The following ADGRB3 variants were observed in gnomAD, a reference collection of about 807,000 sequenced individuals.
ADGRB3 encodes the protein adhesion G protein-coupled receptor B3, also known as brain-specific angiogenesis inhibitor 3.
A neutral mutation model predicts 193.4 loss-of-function variants in ADGRB3; 37 were observed. The ratio of observed to expected loss-of-function variants is 0.19; its 90% CI spans 0.15 to 0.25. The LOEUF is 0.25. Ranked by LOEUF, ADGRB3 falls within the 10% of genes least tolerant of loss-of-function variation. The probability of loss-of-function intolerance (pLI) is 1.00; values close to 1 mark genes in which losing one functional copy is unlikely to be tolerated. For missense variants in ADGRB3, 1,637 were observed against 1,852.9 expected (o/e 0.88, Z 2.14); for synonymous variants, 690 against 644.2 (o/e 1.07, Z -1.08).
chr6:69,323,359 A>G (rs1165447837), intron 20 of ADGRB3, among the ~76,000 whole-genome samples: 1 of 151,992 alleles, frequency 6.6e-6, no homozygotes, highest in Non-Finnish European at 1.5e-5. Flanking sequence ...AAAATAAGCA[A>G]ACTAGTCAGC....
chr6:68,875,221 C>G (rs1322396801), intron 3 of ADGRB3, among the ~76,000 whole-genome samples: 2 of 65,938 alleles, frequency 3.0e-5, no homozygotes, highest in Admixed American at 1.6e-4. Context: ...TCTCCTTCCC[C>G]CTTCCTCTCC....
chr6:69,078,895 G>A (rs1772309580), intron 17 of ADGRB3, among the ~76,000 whole-genome samples: 1 of 151,958 alleles, frequency 6.6e-6, no homozygotes, highest in Non-Finnish European at 1.5e-5. Flanking sequence ...CTGCATATAA[G>A]ATACATTCGA....
In ADGRB3 at chr6:68,639,358, G is replaced by T. The variant is rs778933662; in HGVS notation, c.683G>T (p.Gly228Val). 6 of 1,613,872 alleles carry T rather than the reference G, an allele frequency of 3.7e-6. No homozygotes were observed. Among genetic ancestry groups the T allele is most frequent in the Non-Finnish European group, 4.2e-6 (5 of 1,180,034 alleles). Residue 228 changes from glycine (G) to valine (V), a missense_variant, in exon 3 of 32, where the codon GGC (glycine) becomes GTC (valine). Coordinates refer to ENST00000370598, the MANE Select transcript of ADGRB3 (RefSeq NM_001704.3). The part of the protein sequence containing the change: ...VVLPLNEQTE[G>V]CLTQELQTTQ... The stretch of plus-strand genomic sequence containing the variant: ...TTACCCCTGAATGAGCAGACAGAGG[G>T]CTGCCTGACCCAGGAGCTGCAAACC...
intron 20 of ADGRB3, among the ~76,000 whole-genome samples, chr6:69,261,376 AG>A (rs561899162): frequency 3.3e-5 from 5 of 152,258 alleles, no homozygotes; most frequent in African/African-American, 1.2e-4. Context: ...AAGTTTATAT[AG>A]AATGAAGAAC....
intron 17 of ADGRB3, among the ~76,000 whole-genome samples, chr6:69,141,244 C>T (rs1246388623): frequency 6.6e-6 from 1 of 152,094 alleles, no homozygotes; most frequent in Non-Finnish European, 1.5e-5. Flanking sequence ...CTGCCTCAGC[C>T]TCCCGAGTAG....
intron 3 of ADGRB3, among the ~76,000 whole-genome samples, chr6:68,832,214 GTAT>G (rs1381330666): frequency 6.6e-6 from 1 of 152,010 alleles, no homozygotes; most frequent in Non-Finnish European, 1.5e-5. Context: ...CATTCAGAAA[GTAT>G]TATTAAATAA....
rs70987452 is a variant in ADGRB3 at position 69,122,999 on chromosome 6, A to AGT, written c.2480+46984_2480+46985dup. On this transcript the variant is annotated intron_variant, in intron 17 of 31. Transcript: ENST00000370598. Reference sequence around the variant, plus strand: ...GTATATATATATACACATACGTGTGAGTGTGTGTGTGTGTGTGTGTGTGTA... The same window carrying AGT: ...GTATATATATATACACATACGTGTGAGTGTGTGTGTGTGTGTGTGTGTGTGTA... Among the ~76,000 whole-genome samples, 244 of 149,420 alleles carry AGT rather than the reference A, an allele frequency of 1.6e-3. 1 individual carries two copies. In the South Asian group the frequency reaches 0.018, roughly 11 times the overall value.
chr6:69,326,099 C>T (rs1768562508), intron 21 of ADGRB3, among the ~76,000 whole-genome samples: 2 of 151,876 alleles, frequency 1.3e-5, no homozygotes, highest in Non-Finnish European at 2.9e-5. Flanking sequence ...AAAAATTAGC[C>T]GGGAGTGATG....
intron 17 of ADGRB3, among the ~76,000 whole-genome samples, chr6:69,135,846 A>T (rs753212572): frequency 2.4e-4 from 36 of 152,264 alleles, no homozygotes; most frequent in Non-Finnish European, 4.6e-4. Flanking sequence ...AAAAGTCGTA[A>T]CAAGTTAGTC....
chr6:68,889,277 T>C (rs1458205637), intron 3 of ADGRB3, among the ~76,000 whole-genome samples: 1 of 152,142 alleles, frequency 6.6e-6, no homozygotes, highest in East Asian at 1.9e-4. Context: ...TTTGCCATGA[T>C]TGAAGTTATG....
chr6:69,052,827 C>T (rs529447190), intron 15 of ADGRB3, among the ~76,000 whole-genome samples: 1 of 152,284 alleles, frequency 6.6e-6, no homozygotes, highest in East Asian at 1.9e-4. Flanking sequence ...AGATGAAGTC[C>T]ATACTAAATA....
intron 10 of ADGRB3, among the ~76,000 whole-genome samples, chr6:68,984,539 C>G (rs1769015879): frequency 6.6e-6 from 1 of 151,950 alleles, no homozygotes; most frequent in African/African-American, 2.4e-5. Context: ...TGTATTTATC[C>G]CTTTCTAAAT....
intron 3 of ADGRB3, among the ~76,000 whole-genome samples, chr6:68,857,686 T>C (rs1334471237): frequency 6.6e-6 from 1 of 152,176 alleles, no homozygotes; most frequent in East Asian, 1.9e-4. Flanking sequence ...CTGTGGACTT[T>C]TTGAATTAAT....
intron 11 of ADGRB3, among the ~76,000 whole-genome samples, chr6:69,004,822 T>C (rs1260079543): frequency 6.6e-6 from 1 of 152,188 alleles, no homozygotes; most frequent in East Asian, 1.9e-4. Flanking sequence ...TGCTGAGATA[T>C]AGTGAGCCTA....
Position 68,852,010 on chromosome 6 carries a change from T to C in ADGRB3, c.758-78549T>C, listed in dbSNP as rs187177242. Among the ~76,000 whole-genome samples, 33 of 150,332 alleles carry C rather than the reference T, an allele frequency of 2.2e-4. 1 individual carries two copies. Among genetic ancestry groups the C allele is most frequent in the Middle Eastern group, 3.4e-3 (1 of 294 alleles). On this transcript the variant is annotated intron_variant, in intron 3 of 31. Coordinates refer to ENST00000370598, the MANE Select transcript of ADGRB3 (RefSeq NM_001704.3). Reference sequence around the variant, plus strand: ...GACACAAAAAAAGTTTTAAATCTCTTTATATATTATTCATTTCAACGTTGT... The same window carrying C: ...GACACAAAAAAAGTTTTAAATCTCTCTATATATTATTCATTTCAACGTTGT...
rs549122945 is a variant in ADGRB3 at position 69,076,962 on chromosome 6, A to G, written c.2480+924A>G. On this transcript the variant is annotated intron_variant, in intron 17 of 31. Coordinates refer to ENST00000370598, the MANE Select transcript of ADGRB3 (RefSeq NM_001704.3). ...TCACCAGAGAGTCTAGAAGAGGAGC[A>G]TTTTTAGAATCTCTAGGAAAAGATT... Among the ~76,000 whole-genome samples, 39 of 152,132 alleles carry G rather than the reference A, an allele frequency of 2.6e-4. 1 individual carries two copies. Among genetic ancestry groups the G allele is most frequent in the Non-Finnish European group, 5.3e-4 (36 of 67,894 alleles).
At chr6:68,644,573 A>T (rs1768159115) in intron 3 of ADGRB3, among the ~76,000 whole-genome samples, 1 of 152,158 alleles carries the variant, frequency 6.6e-6, no homozygotes, top group Non-Finnish European at 1.5e-5. Context: ...AGAAATAGAA[A>T]AGACTATTTA....
At chr6:69,319,560 T>A (rs530931747) in intron 20 of ADGRB3, among the ~76,000 whole-genome samples, 1 of 151,544 alleles carries the variant, frequency 6.6e-6, no homozygotes, top group East Asian at 1.9e-4. Context: ...TAATTTTAGT[T>A]TGACAGTTCA....
At chr6:69,142,691 G>T (rs1372141187) in intron 17 of ADGRB3, among the ~76,000 whole-genome samples, 1 of 152,174 alleles carries the variant, frequency 6.6e-6, no homozygotes, top group Non-Finnish European at 1.5e-5. Context: ...TCTTGAACTG[G>T]TGTAAGGCTG....
Sources: allele counts gnomAD v4.1 joint callset (sites outside exome capture counted in the v4.1 genomes callset), GRCh38; gene constraint gnomAD v4.1.1; transcripts MANE v1.5; gene names NCBI Gene and HGNC (gene_info 2026-07-23, HGNC 2026-07-21).